Variants in NTM observed in about 807,000 individuals in gnomAD.
NTM encodes neurotrimin, also known as IgLON family member 2.
NTM carries 13 observed loss-of-function variants against 42.1 expected under a neutral mutation model. That is an observed-to-expected ratio of 0.31 (90% CI 0.20 to 0.49). The LOEUF (loss-of-function observed/expected upper bound fraction) is 0.49. Ranked by LOEUF, NTM falls within the 20% of genes least tolerant of loss-of-function variation. The pLI is 0.99. For missense variants in NTM, 373 were observed against 452.8 expected, an observed-to-expected ratio of 0.82 and a Z score of 1.60; for synonymous variants, 187 against 179.2, an observed-to-expected ratio of 1.04 and a Z score of -0.35.
intron 1 of NTM, among the ~76,000 whole-genome samples, chr11:131,647,397 T>G (rs1050768112): frequency 6.6e-6 from 1 of 152,188 alleles, no homozygotes; most frequent in Non-Finnish European, 1.5e-5. Flanking sequence ...GGCTTCGCAA[T>G]GGGCAGCCCT....
intron 1 of NTM, chr11:131,605,774 C>T: frequency 1.0e-6 from 1 of 983,504 alleles, no homozygotes; most frequent in Non-Finnish European, 1.2e-6. Flanking sequence ...AATAAAGGTG[C>T]CCTATTCAAT....
intron 1 of NTM, among the ~76,000 whole-genome samples, chr11:131,438,357 AT>A (rs201292940): frequency 0.019 from 2,830 of 152,240 alleles, 270 homozygotes; most frequent in Admixed American, 0.16. Context: ...GTTCTCCTGG[AT>A]AATGTCCTGA....
At chr11:132,117,003 G>A (rs546361730) in intron 2 of NTM, among the ~76,000 whole-genome samples, 1 of 152,300 alleles carries the variant, frequency 6.6e-6, no homozygotes, top group African/African-American at 2.4e-5. Context: ...CAAGAGGTGA[G>A]ACTATTTCCT....
At chr11:132,160,723 A>G (rs1231138654) in intron 3 of NTM, among the ~76,000 whole-genome samples, 1 of 152,198 alleles carries the variant, frequency 6.6e-6, no homozygotes, top group East Asian at 1.9e-4. Flanking sequence ...GACTTTGGAC[A>G]TGAAGTTTTG....
At chr11:132,251,036 G>A (rs963115521) in intron 4 of NTM, among the ~76,000 whole-genome samples, 19 of 152,290 alleles carry the variant, frequency 1.2e-4, no homozygotes, top group Admixed American at 1.0e-3. Flanking sequence ...TCTGCAAGAT[G>A]ACCGAGGTCT....
At chr11:132,243,707 C>G (rs377476279) in intron 4 of NTM, among the ~76,000 whole-genome samples, 2 of 152,226 alleles carry the variant, frequency 1.3e-5, no homozygotes, top group East Asian at 3.9e-4. Context: ...GTTTTTACCA[C>G]TTCCCAGAAC....
intron 1 of NTM, among the ~76,000 whole-genome samples, chr11:131,750,908 C>T (rs1235381162): frequency 6.6e-6 from 1 of 152,126 alleles, no homozygotes. Flanking sequence ...AGGCCTCCTC[C>T]CCTGCCTCGG....
intron 1 of NTM, among the ~76,000 whole-genome samples, chr11:131,828,925 AT>A (rs1439014507): frequency 6.6e-6 from 1 of 151,254 alleles, no homozygotes; most frequent in African/African-American, 2.4e-5. Flanking sequence ...TTACCCTGTC[AT>A]TACCATCTTT....
intron 2 of NTM, among the ~76,000 whole-genome samples, chr11:131,938,584 A>G (rs575023676): frequency 2.0e-5 from 3 of 152,290 alleles, no homozygotes; most frequent in African/African-American, 7.2e-5. Flanking sequence ...AAGCAAGAGA[A>G]TGGCTTGGTC....
intron 2 of NTM, among the ~76,000 whole-genome samples, chr11:131,933,891 T>C (rs1012930015): frequency 1.5e-4 from 23 of 152,088 alleles, no homozygotes; most frequent in African/African-American, 5.6e-4. Flanking sequence ...TGGGGGGGGA[T>C]GTTGTTTTAC....
chr11:132,112,265 T>C (rs996469894), intron 2 of NTM, among the ~76,000 whole-genome samples: 2 of 152,204 alleles, frequency 1.3e-5, no homozygotes, highest in African/African-American at 4.8e-5. Context: ...CTATAAGGCA[T>C]TGAATGGTAA....
chr11:131,386,553 G>T (rs1299115274), intron 1 of NTM, among the ~76,000 whole-genome samples: 2 of 152,214 alleles, frequency 1.3e-5, no homozygotes. Flanking sequence ...AAATGTGTAA[G>T]CTTGGTGGCA....
intron 1 of NTM, among the ~76,000 whole-genome samples, chr11:131,545,740 A>G (rs1592004833): frequency 6.6e-6 from 1 of 152,224 alleles, no homozygotes; most frequent in Non-Finnish European, 1.5e-5. Context: ...GAAACTTCCT[A>G]AAGCAAGTGA....
At chr11:131,474,286 C>T (rs1338009764) in intron 1 of NTM, among the ~76,000 whole-genome samples, 1 of 152,180 alleles carries the variant, frequency 6.6e-6, no homozygotes. Context: ...TCTTCCTCAG[C>T]TCCTGTGGCC....
chr11:131,638,270 A>C (rs2134195203), intron 1 of NTM, among the ~76,000 whole-genome samples: 1 of 152,310 alleles, frequency 6.6e-6, no homozygotes, highest in Admixed American at 6.5e-5. Flanking sequence ...TAATTTGAAA[A>C]CATGCTAACA....
At chr11:131,927,977 A>G (rs1477226928) in intron 2 of NTM, among the ~76,000 whole-genome samples, 2 of 152,204 alleles carry the variant, frequency 1.3e-5, no homozygotes, top group Non-Finnish European at 2.9e-5. Context: ...GTGTTGGGAA[A>G]AACTTAAGCT....
At chr11:131,925,531 A>C (rs1194881240) in intron 2 of NTM, among the ~76,000 whole-genome samples, 7 of 151,924 alleles carry the variant, frequency 4.6e-5, no homozygotes, top group Non-Finnish European at 1.0e-4. Context: ...GACCACAGGT[A>C]CATGCCACCA....
chr11:132,332,309 G>C (rs1393781892), intron 8 of NTM: 2 of 152,700 alleles, frequency 1.3e-5, no homozygotes, highest in African/African-American at 4.8e-5. Flanking sequence ...GGTTCCGGGG[G>C]TGGTGAGCGC....
At chr11:131,793,562 A>T (rs183860283) in intron 1 of NTM, among the ~76,000 whole-genome samples, 26 of 152,336 alleles carry the variant, frequency 1.7e-4, no homozygotes, top group Admixed American at 1.6e-3. Flanking sequence ...CATAGCACCT[A>T]TGTGTTTCCA....
Sources: gnomAD v4.1 joint callset for allele counts (sites outside exome capture counted in the v4.1 genomes callset) on GRCh38, gnomAD v4.1.1 for gene constraint, MANE v1.5 for transcripts, NCBI Gene and HGNC (gene_info 2026-07-23, HGNC 2026-07-21) for gene names.